Variants in CEP128 observed in about 807,000 individuals in gnomAD.
The protein encoded by CEP128 is centrosomal protein 128kDa.
In CEP128, 132 loss-of-function variants were observed where a neutral mutation model predicts 156.7. The ratio of observed to expected loss-of-function variants is 0.84; its 90% CI spans 0.73 to 0.97. CEP128 has a LOEUF of 0.97. Among genes scored for constraint, CEP128 ranks in the 50% least tolerant of loss-of-function variants. CEP128 has a pLI of 0.00. For synonymous variants in CEP128, 469 were observed against 448.9 expected (o/e 1.04, Z -0.57); for missense variants, 1,252 against 1,281.9 (o/e 0.98, Z 0.36).
chr14:80,636,740 C>A (rs1894196650), intron 19 of CEP128, among the ~76,000 whole-genome samples: 1 of 152,176 alleles, frequency 6.6e-6, no homozygotes, highest in South Asian at 2.1e-4. Context: ...AATGGCCTCC[C>A]CATTTCCATT....
At chr14:80,948,629 A>C (rs1158321282) in intron 2 of CEP128, among the ~76,000 whole-genome samples, 1 of 152,198 alleles carries the variant, frequency 6.6e-6, no homozygotes, top group Non-Finnish European at 1.5e-5. Flanking sequence ...CTAATATTTG[A>C]ACCATGCTAA....
intron 19 of CEP128, among the ~76,000 whole-genome samples, chr14:80,672,372 A>C (rs1895878760): frequency 6.6e-6 from 1 of 151,612 alleles, no homozygotes; most frequent in African/African-American, 2.4e-5. Context: ...AAATCACAGA[A>C]TTGCTGATGC....
intron 8 of CEP128, among the ~76,000 whole-genome samples, chr14:80,868,861 C>G (rs1307754327): frequency 6.6e-6 from 1 of 151,926 alleles, no homozygotes. Flanking sequence ...ATACTTACAT[C>G]AGAGAAAATA....
chr14:80,740,965 C>T (rs887515553), intron 19 of CEP128, among the ~76,000 whole-genome samples: 5 of 152,124 alleles, frequency 3.3e-5, no homozygotes, highest in Admixed American at 6.5e-5. Flanking sequence ...ATAGCACCTA[C>T]CCCAAACTGG....
intron 23 of CEP128, among the ~76,000 whole-genome samples, chr14:80,512,121 C>G (rs1198833016): frequency 1.3e-5 from 2 of 152,004 alleles, no homozygotes; most frequent in African/African-American, 4.8e-5. Context: ...TCTTATGCTT[C>G]TTTGTTGATT....
chr14:80,715,245 T>C (rs1052181855), intron 19 of CEP128, among the ~76,000 whole-genome samples: 2 of 151,832 alleles, frequency 1.3e-5, no homozygotes, highest in Non-Finnish European at 2.9e-5. Flanking sequence ...GGAATTATAA[T>C]AAAATCTGAA....
In CEP128 at chr14:80,785,522, C is replaced by T. The variant is rs1158002019; in HGVS notation, c.1584G>A (p.Leu528=). Residue 528 remains leucine, a synonymous_variant, in exon 15 of 25, where the codon TTG becomes TTA. Transcript: ENST00000555265. ...NNQILKEKDE[L]KTQLYAALQQ... ...GTAATGCTGCATACAGCTGGGTTTTCAATTCATCCTTTTCTTTTAAAATCT... is the reference window on the plus strand; with the variant it reads ...GTAATGCTGCATACAGCTGGGTTTTTAATTCATCCTTTTCTTTTAAAATCT... 3.1e-6 allele frequency: 5 copies of T among 1,608,040 alleles called. No individual in the cohort carries two copies. The highest frequency in any genetic ancestry group is 4.2e-6 in the Non-Finnish European group (5 of 1,177,664).
chr14:80,810,233 G>C (rs1339198493), intron 13 of CEP128, among the ~76,000 whole-genome samples: 1 of 143,070 alleles, frequency 7.0e-6, no homozygotes, highest in South Asian at 2.2e-4. Flanking sequence ...TGAGGCAAGA[G>C]AATGGCCTGA....
At chr14:80,833,238 G>T (rs1328019794) in intron 12 of CEP128, among the ~76,000 whole-genome samples, 2 of 151,186 alleles carry the variant, frequency 1.3e-5, no homozygotes, top group Admixed American at 1.3e-4. Flanking sequence ...TACGTTTCTT[G>T]ATATATACAC....
intron 19 of CEP128, among the ~76,000 whole-genome samples, chr14:80,720,812 G>T (rs1259942771): frequency 6.6e-6 from 1 of 152,150 alleles, no homozygotes; most frequent in Admixed American, 6.5e-5. Flanking sequence ...ACCTTGACTT[G>T]ATCAGAATAT....
chr14:80,931,604 C>T (rs1310864661), intron 2 of CEP128, among the ~76,000 whole-genome samples: 1 of 152,194 alleles, frequency 6.6e-6, no homozygotes, highest in Non-Finnish European at 1.5e-5. Context: ...ACTGGCAGCA[C>T]ATTTCAGTGA....
rs551999856 is a variant in CEP128 at position 80,643,908 on chromosome 14, CT to C, written c.2807-63486del. Reference sequence around the variant, plus strand: ...GTCTATCTGGAATCTCAAAATGGGACTTTATTTGGAGATAGCGTGAGTCAAG... The same window carrying C: ...GTCTATCTGGAATCTCAAAATGGGACTTATTTGGAGATAGCGTGAGTCAAG... On this transcript the variant is annotated intron_variant, in intron 19 of 24. Coordinates refer to ENST00000555265, the MANE Select transcript of CEP128 (RefSeq NM_152446.5). Among the ~76,000 whole-genome samples the C allele has an allele frequency of 9.4e-4, 143 of 152,226 alleles. 1 individual carries two copies. Among genetic ancestry groups the C allele is most frequent in the African/African-American group, 3.3e-3 (138 of 41,538 alleles).
rs2139352876 is a variant in CEP128, at chr14:80,887,683, C to G, written c.645+8035G>C. Among the ~76,000 whole-genome samples the G allele has an allele frequency of 2.0e-5, 3 of 151,952 alleles. No individual in the cohort carries two copies. In the South Asian group the frequency reaches 6.2e-4, roughly 32 times the overall value. On this transcript the variant is annotated intron_variant, in intron 8 of 24. Transcript: ENST00000555265. ...TGCCCACATCAGAAAGTGCAAAAGA[C>G]CTAAAATCGATACCCTAACATCATA...
chr14:80,748,104 G>T (rs992238553), intron 18 of CEP128, among the ~76,000 whole-genome samples: 2 of 152,180 alleles, frequency 1.3e-5, no homozygotes, highest in African/African-American at 2.4e-5. Flanking sequence ...ACACCTCTAT[G>T]AATAAACGAG....
intron 2 of CEP128, among the ~76,000 whole-genome samples, chr14:80,917,139 A>T (rs1482073895): frequency 1.3e-5 from 2 of 152,272 alleles, no homozygotes; most frequent in Non-Finnish European, 2.9e-5. Flanking sequence ...ATACATGAGA[A>T]GGTGGCATCT....
chr14:80,671,993 C>A (rs189794819), intron 19 of CEP128, among the ~76,000 whole-genome samples: 1 of 152,068 alleles, frequency 6.6e-6, no homozygotes, highest in Admixed American at 6.5e-5. Context: ...TTCACAATTC[C>A]AATTCGGTAA....
intron 19 of CEP128, among the ~76,000 whole-genome samples, chr14:80,696,375 G>T (rs1382427324): frequency 6.6e-6 from 1 of 152,166 alleles, no homozygotes; most frequent in Non-Finnish European, 1.5e-5. Context: ...GGTTTCAGAG[G>T]TCATGAGCAT....
In CEP128 at chr14:80,785,025, T is replaced by C; in HGVS notation, c.2081A>G (p.Gln694Arg). Residue 694 changes from glutamine (Q) to arginine (R), a missense_variant, in exon 15 of 25, where the codon CAG (glutamine) becomes CGG (arginine). Physicochemically the swap from Gln to Arg is conservative, Grantham distance 43. Coordinates refer to ENST00000555265, the MANE Select transcript of CEP128 (RefSeq NM_152446.5). ...TGATGTGAGATCTTTCAGCTCCCTC[T>C]GGTGCACATCTCGTTCCAGCTTTAA... ...TQLKLERDVH[Q>R]RELKDLTSSL... is the part of the protein sequence containing the mutation. The C allele has an allele frequency of 1.2e-6, 2 of 1,614,220 alleles. No homozygotes were observed. The highest frequency in any genetic ancestry group is 1.3e-5 in the African/African-American group (1 of 75,076).
chr14:80,756,996 C>T, intron 17 of CEP128, 45 bp from the exon 18 acceptor site: 1 of 1,228,282 alleles, frequency 8.1e-7, no homozygotes, highest in Non-Finnish European at 1.2e-6. Context: ...TTTTCTCTGA[C>T]ATAAACATAT....
Sources: allele counts gnomAD v4.1 joint callset (sites outside exome capture counted in the v4.1 genomes callset), GRCh38; gene constraint gnomAD v4.1.1; transcripts MANE v1.5; gene names NCBI Gene and HGNC (gene_info 2026-07-23, HGNC 2026-07-21).